The following NEMF variants were observed in gnomAD, a reference collection of about 807,000 sequenced individuals.
NEMF encodes the protein nuclear export mediator factor.
NEMF carries 89 observed loss-of-function variants against 162.2 expected under a neutral mutation model. The observed-to-expected ratio is 0.55, with a 90% confidence interval of 0.46 to 0.65. The LOEUF is 0.65. NEMF is among the 30% of genes least tolerant of loss of function. The pLI is 0.00. For synonymous variants in NEMF, 421 were observed against 404.5 expected (o/e 1.04, Z -0.49); for missense variants, 1,133 against 1,261.9 (o/e 0.90, Z 1.55).
At chr14:49,813,673 GTGTGT>G (rs1207209265) in intron 18 of NEMF, among the ~76,000 whole-genome samples, 6 of 148,898 alleles carry the variant, frequency 4.0e-5, no homozygotes, top group Non-Finnish European at 7.6e-5. Context: ...GTGTGTGTGT[GTGTGT>G]GTGTGTGTGT....
intron 16 of NEMF, among the ~76,000 whole-genome samples, chr14:49,823,184 C>A (rs1487538150): frequency 6.6e-6 from 1 of 151,996 alleles, no homozygotes; most frequent in Non-Finnish European, 1.5e-5. Flanking sequence ...CAGTGATCCA[C>A]CTGTCTTGGT....
rs772839951 is a variant in NEMF at position 49,852,710 on chromosome 14, G to C, written c.44C>G (p.Ala15Gly). The change falls in exon 1 of 33, where the codon GCG becomes GGG. Residue 15 changes from alanine (A) to glycine (G), a missense_variant. Ala to Gly is a moderately conservative substitution (Grantham distance 60). Around this residue, in one of 3 missense-constraint regions of NEMF, gnomAD observed 582 missense variants for 631.5 expected, o/e 0.92. Coordinates refer to ENST00000298310, the MANE Select transcript of NEMF (RefSeq NM_004713.6). ...GGTACTGTACCTAGCATTCAGCTCCGCGAGTACGGCGCGGAGGTCAATGGT... is the reference window on the plus strand; with the variant it reads ...GGTACTGTACCTAGCATTCAGCTCCCCGAGTACGGCGCGGAGGTCAATGGT... ...FSTIDLRAVL[A>G]ELNASLLGMR... The C allele has an allele frequency of 6.2e-7, 1 of 1,614,254 alleles. No individual in the cohort carries two copies.
At chr14:49,828,841 T>C in intron 13 of NEMF, 34 bp from the exon 14 acceptor site, 1 of 1,463,808 alleles carries the variant, frequency 6.8e-7, no homozygotes, top group Non-Finnish European at 9.2e-7. Flanking sequence ...TTCACTAACG[T>C]CAATGACATC....
Position 49,782,357 on chromosome 14 carries a change from GT to G in NEMF, c.*2278del. ...TCTGGGTGGCTTCAAACTCGTTTTT[GT>G]TTTAAATGCAGGTTATGGCACACAG... On this transcript the variant is annotated 3_prime_UTR_variant, in exon 33 of 33. Coordinates refer to ENST00000298310, the MANE Select transcript of NEMF (RefSeq NM_004713.6). 1 of 1,593,044 alleles carries G rather than the reference GT, an allele frequency of 6.3e-7. No individual in the cohort carries two copies. The highest frequency in any genetic ancestry group is 8.6e-7 in the Non-Finnish European group (1 of 1,167,390).
chr14:49,789,469 G>A, intron 27 of NEMF, 27 bp downstream of exon 27: 1 of 1,609,922 alleles, frequency 6.2e-7, no homozygotes, highest in Non-Finnish European at 8.5e-7. Flanking sequence ...AAAAGCAAAA[G>A]AAAAAATGTT....
chr14:49,783,818 G>A lies in NEMF; in HGVS notation c.*818C>T, dbSNP rs892414396. 1 of 152,244 alleles carries A rather than the reference G, an allele frequency of 6.6e-6. No homozygotes were observed. Among genetic ancestry groups the A allele is most frequent in the Admixed American group, 6.5e-5 (1 of 15,294 alleles). The allele number at this position is 152,244 out of a possible 1,614,324, so 9.4% of individuals were successfully genotyped here. A position where few individuals can be genotyped will look rare whatever the true frequency, so the allele number is the denominator to read the frequency against. On this transcript the variant is annotated 3_prime_UTR_variant, in exon 33 of 33. Transcript: ENST00000298310. ...AATAGAAATGATTAAGCTGAGTCAT[G>A]AGAATTATTACTTATATTTTACATT...
chr14:49,825,982 CA>C, intron 15 of NEMF, 27 bp from the exon 16 acceptor site: 1 of 1,489,786 alleles, frequency 6.7e-7, no homozygotes, highest in African/African-American at 1.4e-5. Flanking sequence ...GTTTTAAAAA[CA>C]ATTTGTTAAG....
rs1282704485 is a variant in NEMF at position 49,828,273 on chromosome 14, C to G, written c.1488+18G>C. 5 of 1,561,592 alleles carry G rather than the reference C, an allele frequency of 3.2e-6. No individual in the cohort carries two copies. In the African/African-American group the frequency reaches 6.8e-5, roughly 21 times the overall value. On this transcript the variant is annotated intron_variant, in intron 15 of 32. Coordinates refer to ENST00000298310, the MANE Select transcript of NEMF (RefSeq NM_004713.6). ...CAGGCACAAACAACTAACATTCACT[C>G]TAAGAAATACTCAGTACCTTCTCAG...
chr14:49,793,369 C>G (rs1188116869), intron 26 of NEMF, among the ~76,000 whole-genome samples: 1 of 152,142 alleles, frequency 6.6e-6, no homozygotes. Flanking sequence ...CAGCAAGTAA[C>G]AGCTAGGAAA....
In NEMF at chr14:49,786,763, T is replaced by C. The variant is rs372661255; in HGVS notation, c.2896-13A>G. The C allele has an allele frequency of 6.2e-7, 1 of 1,610,732 alleles. No homozygotes were observed. The highest frequency in any genetic ancestry group is 8.5e-7 in the Non-Finnish European group (1 of 1,178,098). On this transcript the variant is annotated splice_polypyrimidine_tract_variant and intron_variant, in intron 28 of 32. Transcript: ENST00000298310. ...GATCTTGCTCTTCCTGTTCCGAACA[T>C]ATAAAAATAAAAATGTCAGCTATAA...
At chr14:49,828,962 C>T (rs1892504827) in intron 13 of NEMF, 92 bp downstream of exon 13, 1 of 1,393,516 alleles carries the variant, frequency 7.2e-7, no homozygotes, top group African/African-American at 1.5e-5. Context: ...TTGAGAATTT[C>T]AAAATATGAA....
intron 3 of NEMF, among the ~76,000 whole-genome samples, chr14:49,848,478 G>C (rs1419389999): frequency 3.9e-5 from 6 of 152,022 alleles, no homozygotes; most frequent in Non-Finnish European, 7.4e-5. Flanking sequence ...TCTTACAATT[G>C]TTTCTAATTT....
At chr14:49,816,658 AC>A (rs1891731655) in intron 16 of NEMF, among the ~76,000 whole-genome samples, 1 of 152,218 alleles carries the variant, frequency 6.6e-6, no homozygotes, top group Non-Finnish European at 1.5e-5. Flanking sequence ...ATGTTGAAAT[AC>A]TGGAGGTGGG....
intron 18 of NEMF, among the ~76,000 whole-genome samples, chr14:49,810,792 A>G (rs1035307043): frequency 6.6e-6 from 1 of 152,214 alleles, no homozygotes; most frequent in East Asian, 1.9e-4. Flanking sequence ...GGAGCTCGAC[A>G]CTAGTCTGGA....
At chr14:49,848,854 A>G (rs1466306717) in intron 3 of NEMF, among the ~76,000 whole-genome samples, 18 of 150,950 alleles carry the variant, frequency 1.2e-4, no homozygotes, top group African/African-American at 4.4e-4. Flanking sequence ...AAAAAAAAAA[A>G]GACTTAAATA....
At chr14:49,786,634 G>A in intron 29 of NEMF, 84 bp downstream of exon 29, 1 of 1,362,320 alleles carries the variant, frequency 7.3e-7, no homozygotes, top group Non-Finnish European at 1.0e-6. Context: ...AGGTTTCTAA[G>A]TTTTAATAAG....
chr14:49,782,283 G>T lies in NEMF; in HGVS notation c.*2353C>A, dbSNP rs1228266521. The T allele has an allele frequency of 1.2e-6, 1 of 809,390 alleles. No individual in the cohort carries two copies. Among genetic ancestry groups the T allele is most frequent in the Non-Finnish European group, 2.0e-6 (1 of 499,540 alleles). The allele number at this position is 809,390 out of a possible 1,614,324, so 50.1% of individuals were successfully genotyped here. A position where few individuals can be genotyped will look rare whatever the true frequency, so the allele number is the denominator to read the frequency against. On this transcript the variant is annotated 3_prime_UTR_variant, in exon 33 of 33. Coordinates refer to ENST00000298310, the MANE Select transcript of NEMF (RefSeq NM_004713.6). The stretch of plus-strand genomic sequence containing the variant: ...GGTCTGAACTACCTTAAGATCGCTA[G>T]TCTTTATTTCATAGCTCTATTCTGT...
rs571542087 is a variant in NEMF, at chr14:49,788,466, G to C, written c.2895+680C>G. 1.1e-4 allele frequency among the ~76,000 whole-genome samples: 17 copies of C among 151,700 alleles called. No individual in the cohort carries two copies. The East Asian group carries it at 3.1e-3, about 28-fold the overall frequency. On this transcript the variant is annotated intron_variant, in intron 28 of 32. Coordinates refer to ENST00000298310, the MANE Select transcript of NEMF (RefSeq NM_004713.6). ...TGTACTCATTTTCAACATTATGTAC[G>C]ACCATATGGCATAGATTCCTATAGA...
In NEMF at chr14:49,784,257, A is replaced by ATAT. The variant is rs951911394; in HGVS notation, c.*376_*378dup. Reference sequence around the variant, plus strand: ...TTAGTTCATTTGGCCTGTAATATATATATTAGATGTTATATACAGTAGACT... The same window carrying ATAT: ...TTAGTTCATTTGGCCTGTAATATATATATTATTAGATGTTATATACAGTAGACT... On this transcript the variant is annotated 3_prime_UTR_variant, in exon 33 of 33. Transcript: ENST00000298310. The ATAT allele has an allele frequency of 1.3e-5, 2 of 154,704 alleles. No homozygotes were observed. Among genetic ancestry groups the ATAT allele is most frequent in the African/African-American group, 4.9e-5 (2 of 40,570 alleles). The allele number at this position is 154,704 out of a possible 1,614,324, so 9.6% of individuals were successfully genotyped here. A position where few individuals can be genotyped will look rare whatever the true frequency, so the allele number is the denominator to read the frequency against.
Sources: gnomAD v4.1 joint callset for allele counts (sites outside exome capture counted in the v4.1 genomes callset) on GRCh38, gnomAD v4.1.1 for gene constraint, gnomAD v4.1.1 regional missense constraint, MANE v1.5 for transcripts, NCBI Gene and HGNC (gene_info 2026-07-23, HGNC 2026-07-21) for gene names.